Variants in UMAD1 observed in about 807,000 individuals in gnomAD.
The protein encoded by UMAD1 is UBAP1-MVB12-associated (UMA)-domain containing protein 1.
A neutral mutation model predicts 6.1 loss-of-function variants in UMAD1; 8 were observed. The ratio of observed to expected loss-of-function variants is 1.30; its 90% CI spans 0.76 to 2.35. The LOEUF (loss-of-function observed/expected upper bound fraction) is 2.35. UMAD1 is among the 30% of genes most tolerant of loss of function. The probability of loss-of-function intolerance (pLI) is 0.00; values close to 1 mark genes in which losing one functional copy is unlikely to be tolerated. For missense variants in UMAD1, 130 were observed against 78.4 expected (o/e 1.66, Z -2.49); for synonymous variants, 56 against 31.4 (o/e 1.78, Z -2.61).
chr7:7,866,367 G>A (rs1784225377), intron 3 of UMAD1, among the ~76,000 whole-genome samples: 2 of 152,202 alleles, frequency 1.3e-5, no homozygotes, highest in African/African-American at 4.8e-5. Context: ...TGTGCTGTGA[G>A]GGAAGTATGC....
chr7:7,713,209 TG>T (rs1780810918), intron 2 of UMAD1, among the ~76,000 whole-genome samples: 1 of 151,250 alleles, frequency 6.6e-6, no homozygotes, highest in Non-Finnish European at 1.5e-5. Flanking sequence ...CTGGGCATGG[TG>T]GCGTGCACCT....
intron 1 of UMAD1, among the ~76,000 whole-genome samples, chr7:7,656,801 A>G (rs1417573985): frequency 1.3e-5 from 2 of 152,222 alleles, no homozygotes; most frequent in African/African-American, 2.4e-5. Context: ...TTATGGTAGA[A>G]TGATTTATAA....
chr7:7,865,156 C>T (rs1222463333), intron 3 of UMAD1, among the ~76,000 whole-genome samples: 1 of 152,222 alleles, frequency 6.6e-6, no homozygotes, highest in East Asian at 1.9e-4. Context: ...AATTATCAAC[C>T]TGGAGGAGGG....
chr7:7,801,158 G>A (rs749156365), intron 2 of UMAD1, among the ~76,000 whole-genome samples: 6 of 152,294 alleles, frequency 3.9e-5, no homozygotes, highest in Non-Finnish European at 7.4e-5. Context: ...GTGAAGGCTA[G>A]TTTATGCATT....
intron 2 of UMAD1, among the ~76,000 whole-genome samples, chr7:7,766,962 C>G (rs889598484): frequency 6.6e-6 from 1 of 152,004 alleles, no homozygotes; most frequent in African/African-American, 2.4e-5. Context: ...GGCATTCTTG[C>G]CTATTCTGCT....
intron 2 of UMAD1, chr7:7,742,371 A>T (rs572828812): frequency 2.0e-5 from 12 of 593,434 alleles, no homozygotes; most frequent in South Asian, 1.6e-4. Flanking sequence ...TTCCGAGGAT[A>T]TCTGGGCTGC....
At position 7,710,618 on chromosome 7, in the gene UMAD1, A is replaced by G. The variant is rs1045190447; in HGVS notation, c.82+37165A>G. Among the ~76,000 whole-genome samples the G allele has an allele frequency of 1.8e-4, 27 of 152,346 alleles. 1 individual carries two copies. In the South Asian group the frequency reaches 3.5e-3, roughly 20 times the overall value. ...ATTGATGATAGGAATGTAAAATGGT[A>G]CAATTACTCTGGAAAATAGACAGTT... On this transcript the variant is annotated intron_variant, in intron 2 of 3. Coordinates refer to ENST00000682710, the MANE Select transcript of UMAD1 (RefSeq NM_001302348.2).
intron 3 of UMAD1, among the ~76,000 whole-genome samples, chr7:7,841,681 G>C (rs1292981996): frequency 3.3e-5 from 5 of 152,130 alleles, no homozygotes; most frequent in East Asian, 3.9e-4. Context: ...TGGGAAAGCT[G>C]GCATGCAAGC....
At chr7:7,855,812 A>C (rs1784006955) in intron 3 of UMAD1, among the ~76,000 whole-genome samples, 2 of 152,098 alleles carry the variant, frequency 1.3e-5, no homozygotes, top group East Asian at 3.9e-4. Context: ...ATATTTTTCA[A>C]ACTTTATGCT....
intron 3 of UMAD1, among the ~76,000 whole-genome samples, chr7:7,825,866 G>C (rs1783329553): frequency 6.6e-6 from 1 of 152,106 alleles, no homozygotes; most frequent in South Asian, 2.1e-4. Context: ...GACCTCTGCA[G>C]ATACTAAAAT....
intron 1 of UMAD1, among the ~76,000 whole-genome samples, chr7:7,662,578 A>C (rs1785502722): frequency 6.6e-6 from 1 of 152,218 alleles, no homozygotes. Flanking sequence ...GGAGTTTCCC[A>C]ACCCCTTATG....
chr7:7,805,301 C>A (rs1352543325), intron 3 of UMAD1, among the ~76,000 whole-genome samples: 1 of 151,980 alleles, frequency 6.6e-6, no homozygotes, highest in African/African-American at 2.4e-5. Flanking sequence ...AAGTTTTAAT[C>A]ATTCCTGTTT....
chr7:7,860,536 G>A (rs752298936), intron 3 of UMAD1, among the ~76,000 whole-genome samples: 3 of 150,252 alleles, frequency 2.0e-5, no homozygotes, highest in South Asian at 2.1e-4. Context: ...CGAGGCAGGT[G>A]GATCACGGGG....
At chr7:7,719,920 A>G (rs1391335000) in intron 2 of UMAD1, among the ~76,000 whole-genome samples, 1 of 152,088 alleles carries the variant, frequency 6.6e-6, no homozygotes, top group African/African-American at 2.4e-5. Context: ...TCAGAGAAGT[A>G]CCTCCCTGGG....
chr7:7,647,814 A>G (rs73351876), intron 1 of UMAD1, among the ~76,000 whole-genome samples: 1,805 of 152,300 alleles, frequency 0.012, 29 homozygotes, highest in African/African-American at 0.04. Context: ...TTTGTTGCCC[A>G]GGCTGGTCCA....
chr7:7,857,871 A>G (rs569023075), intron 3 of UMAD1, among the ~76,000 whole-genome samples: 29 of 152,362 alleles, frequency 1.9e-4, no homozygotes, highest in African/African-American at 6.3e-4. Flanking sequence ...TGATCATTAG[A>G]AAAGAATCTA....
At chr7:7,822,052 C>T (rs1418887943) in intron 3 of UMAD1, among the ~76,000 whole-genome samples, 1 of 151,708 alleles carries the variant, frequency 6.6e-6, no homozygotes, top group Non-Finnish European at 1.5e-5. Context: ...ATGATATCAG[C>T]CAAAGCAAAA....
At chr7:7,759,595 A>G (rs906443340) in intron 2 of UMAD1, among the ~76,000 whole-genome samples, 4 of 152,350 alleles carry the variant, frequency 2.6e-5, no homozygotes, top group East Asian at 1.9e-4. Context: ...GAAAAGTACT[A>G]TCATGAAGAA....
At chr7:7,784,186 T>G (rs1782408732) in intron 2 of UMAD1, among the ~76,000 whole-genome samples, 1 of 152,196 alleles carries the variant, frequency 6.6e-6, no homozygotes, top group South Asian at 2.1e-4. Context: ...AAACTCTCTT[T>G]TGTTATTTGC....
Sources: gnomAD v4.1 joint callset for allele counts (sites outside exome capture counted in the v4.1 genomes callset) on GRCh38, gnomAD v4.1.1 for gene constraint, MANE v1.5 for transcripts, NCBI Gene and HGNC (gene_info 2026-07-23, HGNC 2026-07-21) for gene names.